ARHGEF6: variants seen among roughly 807,000 people sequenced by gnomAD.
ARHGEF6 encodes Rac/Cdc42 guanine nucleotide exchange factor 6.
ARHGEF6 carries 9 observed loss-of-function variants against 70.3 expected under a neutral mutation model. That is an observed-to-expected ratio of 0.13 (90% CI 0.08 to 0.22). The LOEUF is 0.22. ARHGEF6 is among the 10% of genes least tolerant of loss of function. The pLI is 1.00. For missense variants in ARHGEF6, 470 were observed against 563.0 expected (o/e 0.83, Z 1.67); for synonymous variants, 201 against 207.8 (o/e 0.97, Z 0.28).
At position 136,779,408 on chromosome X, in the gene ARHGEF6, G is replaced by C. The variant is rs1194707908; in HGVS notation, c.249+6C>G. 1.7e-6 allele frequency: 2 copies of C among 1,206,564 alleles called. No individual in the cohort carries two copies. Among genetic ancestry groups the C allele is most frequent in the Admixed American group, 4.4e-5 (2 of 45,959 alleles). On this transcript the variant is annotated splice_donor_region_variant and intron_variant, in intron 2 of 21. Coordinates refer to ENST00000250617, the MANE Select transcript of ARHGEF6 (RefSeq NM_004840.3). ...ACAACAGGGAAGGCACCCGGGGTAG[G>C]CTTACTTCCACTTGGAGGGTTGCAC...
intron 7 of ARHGEF6, among the ~76,000 whole-genome samples, chrX:136,710,332 T>TA (rs755307707): frequency 1.3e-5 from 1 of 77,209 alleles, no homozygotes; most frequent in African/African-American, 9.6e-5. Flanking sequence ...ATATTATACA[T>TA]ATATATATAT....
intron 9 of ARHGEF6, among the ~76,000 whole-genome samples, chrX:136,693,019 A>G (rs1240290369): frequency 8.9e-6 from 1 of 112,217 alleles, no homozygotes; most frequent in Non-Finnish European, 1.9e-5. Context: ...TCGGGTTTGG[A>G]GTGCATTTGA....
intron 6 of ARHGEF6, among the ~76,000 whole-genome samples, chrX:136,729,048 C>G (rs2076903041): frequency 1.2e-5 from 1 of 82,779 alleles, no homozygotes; most frequent in East Asian, 3.8e-4. Flanking sequence ...CTCTCTCTCT[C>G]TCTCTCCTCC....
intron 2 of ARHGEF6, among the ~76,000 whole-genome samples, chrX:136,772,935 C>G (rs938477920): frequency 1.8e-5 from 2 of 111,638 alleles, no homozygotes; most frequent in African/African-American, 6.5e-5. Context: ...GGGGTGCTTC[C>G]GAGAGCACTT....
chrX:136,686,605 T>TATATATATATATATATATACAC (rs2076392770), intron 11 of ARHGEF6, among the ~76,000 whole-genome samples: 1 of 76,739 alleles, frequency 1.3e-5, no homozygotes, highest in Non-Finnish European at 2.3e-5. Context: ...TATATATATA[T>TATATATATATATATATATACAC]ATATATATAT....
At chrX:136,774,245 C>G (rs1469254929) in intron 2 of ARHGEF6, 1 of 111,303 alleles carries the variant, frequency 9.0e-6, no homozygotes, top group Non-Finnish European at 1.9e-5. Flanking sequence ...GAAGGTGTTT[C>G]TGTATCATCC....
chrX:136,770,028 T>C (rs2077352641), intron 2 of ARHGEF6, among the ~76,000 whole-genome samples: 1 of 112,458 alleles, frequency 8.9e-6, no homozygotes, highest in Admixed American at 9.4e-5. Flanking sequence ...ATATCCAGTG[T>C]TGCCAGGGAC....
chrX:136,696,545 G>C (rs2076512906), intron 9 of ARHGEF6, among the ~76,000 whole-genome samples: 1 of 110,556 alleles, frequency 9.0e-6, no homozygotes, highest in Admixed American at 9.6e-5. Context: ...TTGAGCCCAG[G>C]AGTTCAAGGC....
At chrX:136,741,472 C>T (rs1265805009) in intron 5 of ARHGEF6, among the ~76,000 whole-genome samples, 1 of 110,113 alleles carries the variant, frequency 9.1e-6, no homozygotes, top group Non-Finnish European at 1.9e-5. Context: ...CAACAGTAGG[C>T]TATTAGAAGT....
rs1164537601 is a variant in ARHGEF6 at position 136,758,031 on chromosome X, C to CTTTTTTTTTTTTTTTTTTTTT, written c.250-10460_250-10440dup. Among the ~76,000 whole-genome samples the CTTTTTTTTTTTTTTTTTTTTT allele has an allele frequency of 5.0e-4, 7 of 14,032 alleles. 2 individuals are homozygous for CTTTTTTTTTTTTTTTTTTTTT. Among genetic ancestry groups the CTTTTTTTTTTTTTTTTTTTTT allele is most frequent in the African/African-American group, 5.9e-4 (2 of 3,414 alleles). The allele number at this position is 14,032 out of a possible 115,157, so 12.2% of individuals were successfully genotyped here. On this transcript the variant is annotated intron_variant, in intron 2 of 21. Transcript: ENST00000250617. Reference sequence around the variant, plus strand: ...TTCCATCACCTGCTAAAAATAAATTCTTTTTTTTTTTTTTTTTTTTTTTTT... The same window carrying CTTTTTTTTTTTTTTTTTTTTT: ...TTCCATCACCTGCTAAAAATAAATTCTTTTTTTTTTTTTTTTTTTTTTTTTTTTTTTTTTTTTTTTTTTTTT...
chrX:136,721,466 G>A (rs940307233), intron 6 of ARHGEF6, among the ~76,000 whole-genome samples: 3 of 111,268 alleles, frequency 2.7e-5, no homozygotes, highest in African/African-American at 9.8e-5. Flanking sequence ...GGGAGGCTGA[G>A]GTGGAAGGAT....
chrX:136,773,489 T>G (rs778219622), intron 2 of ARHGEF6, among the ~76,000 whole-genome samples: 156 of 112,276 alleles, frequency 1.4e-3, no homozygotes, highest in Non-Finnish European at 2.1e-3. Context: ...TCTCATTCCT[T>G]ATGTATTGAT....
chrX:136,775,761 C>T (rs1267005539), intron 2 of ARHGEF6, among the ~76,000 whole-genome samples: 1 of 111,512 alleles, frequency 9.0e-6, no homozygotes, highest in Non-Finnish European at 1.9e-5. Context: ...CAAACTCTCA[C>T]TGTTTGCTGA....
intron 18 of ARHGEF6, among the ~76,000 whole-genome samples, chrX:136,675,762 T>C (rs1211681527): frequency 9.0e-6 from 1 of 110,556 alleles, no homozygotes; most frequent in African/African-American, 3.3e-5. Context: ...CCTTGTGATC[T>C]GCCCGCCTCA....
intron 6 of ARHGEF6, among the ~76,000 whole-genome samples, chrX:136,717,697 C>T (rs897154573): frequency 1.1e-4 from 12 of 111,146 alleles, no homozygotes; most frequent in African/African-American, 3.9e-4. Context: ...TGAGTGACAG[C>T]GATCATACAA....
At position 136,667,654 on chromosome X, in the gene ARHGEF6, A is replaced by C. The variant is rs2076174047; in HGVS notation, c.*375T>G. The C allele has an allele frequency of 4.6e-6, 1 of 219,767 alleles. No homozygotes were observed. The highest frequency in any genetic ancestry group is 6.8e-5 in the South Asian group (1 of 14,675). 18.1% of individuals were successfully genotyped at this position (219,767 alleles called of 1,213,427 possible). A position where few individuals can be genotyped will look rare whatever the true frequency, so the allele number is the denominator to read the frequency against. The stretch of plus-strand genomic sequence containing the variant: ...GCCCAAAGAATGTGACCTGAGGGCA[A>C]TGGCTGTTGCAGAGGCACTGTGAAC... On this transcript the variant is annotated 3_prime_UTR_variant, in exon 22 of 22. Transcript: ENST00000250617.
chrX:136,755,333 A>G (rs369951519), intron 2 of ARHGEF6, among the ~76,000 whole-genome samples: 1 of 112,030 alleles, frequency 8.9e-6, no homozygotes, highest in East Asian at 2.8e-4. Context: ...TAGAACTCTT[A>G]GTGATGAGAG....
intron 2 of ARHGEF6, among the ~76,000 whole-genome samples, chrX:136,752,392 G>A (rs2077161152): frequency 8.9e-6 from 1 of 111,800 alleles, no homozygotes; most frequent in African/African-American, 3.3e-5. Context: ...CGTGAGCCAC[G>A]ATCCATATTT....
chrX:136,727,814 G>A (rs2076886378), intron 6 of ARHGEF6, among the ~76,000 whole-genome samples: 1 of 111,255 alleles, frequency 9.0e-6, no homozygotes, highest in African/African-American at 3.3e-5. Flanking sequence ...GATTACAGGC[G>A]TGAGCCACCA....
Sources: gnomAD v4.1 joint callset for allele counts (sites outside exome capture counted in the v4.1 genomes callset) on GRCh38, gnomAD v4.1.1 for gene constraint, MANE v1.5 for transcripts, NCBI Gene and HGNC (gene_info 2026-07-23, HGNC 2026-07-21) for gene names.